Variants in SFTPD observed in about 807,000 individuals in gnomAD.
SFTPD encodes surfactant protein D.
In SFTPD, 18 loss-of-function variants were observed where a neutral mutation model predicts 34.6. The ratio of observed to expected loss-of-function variants is 0.52; its 90% confidence interval spans 0.36 to 0.77. The LOEUF is 0.77. Among genes scored for constraint, SFTPD ranks in the 30% least tolerant of loss-of-function variants. The pLI is 0.00. For missense variants in SFTPD, 433 were observed against 468.9 expected, an observed-to-expected ratio of 0.92 and a Z score of 0.71; for synonymous variants, 155 against 180.9, an observed-to-expected ratio of 0.86 and a Z score of 1.15.
At chr10:79,973,386 G>A (rs184195580) in intron 1 of SFTPD, among the ~76,000 whole-genome samples, 92 of 151,820 alleles carry the variant, frequency 6.1e-4, no homozygotes, top group African/African-American at 2.1e-3. Flanking sequence ...TTGGGAGGCC[G>A]AGGCAGGTGA....
At chr10:79,971,653 A>G (rs1727269056) in intron 1 of SFTPD, 1 of 152,152 alleles carries the variant, frequency 6.6e-6, no homozygotes, top group Admixed American at 6.5e-5. Context: ...ATAGTTGCTC[A>G]TAATAGTCTT....
chr10:79,978,711 G>C (rs925961430), intron 1 of SFTPD, among the ~76,000 whole-genome samples: 1 of 146,426 alleles, frequency 6.8e-6, no homozygotes, highest in African/African-American at 2.5e-5. Context: ...CAAAATAAAG[G>C]CCTTATATGA....
At chr10:79,940,558 C>T (rs1842600550) in intron 7 of SFTPD, 147 bp downstream of exon 7, 1 of 596,890 alleles carries the variant, frequency 1.7e-6, no homozygotes, top group Admixed American at 2.6e-5. Flanking sequence ...CTACACAGGT[C>T]CCAGCTCATT....
At chr10:79,941,764 G>A (rs1265487379) in intron 5 of SFTPD, among the ~76,000 whole-genome samples, 190 bp downstream of exon 5, 1 of 152,028 alleles carries the variant, frequency 6.6e-6, no homozygotes, top group Non-Finnish European at 1.5e-5. Flanking sequence ...CATTGCTTGC[G>A]CCTCACTCTC....
intron 1 of SFTPD, among the ~76,000 whole-genome samples, chr10:79,964,072 T>C (rs536744261): frequency 2.4e-4 from 37 of 152,270 alleles, no homozygotes; most frequent in Middle Eastern, 3.4e-3. Context: ...ACACCTATCA[T>C]TGAGGCTACC....
intron 1 of SFTPD, among the ~76,000 whole-genome samples, chr10:79,976,786 T>C (rs546838462): frequency 3.3e-5 from 5 of 152,224 alleles, no homozygotes; most frequent in African/African-American, 9.6e-5. Flanking sequence ...TTTGGCTGTG[T>C]CCCCACCCAA....
At chr10:79,981,893 T>G in intron 1 of SFTPD, 1 of 270,450 alleles carries the variant, frequency 3.7e-6, no homozygotes, top group Non-Finnish European at 7.1e-6. Context: ...GAGCCGCCTC[T>G]TCCTGCTAGA....
intron 7 of SFTPD, 128 bp downstream of exon 7, chr10:79,940,577 A>G (rs1018177768): frequency 6.2e-6 from 4 of 643,990 alleles, no homozygotes; most frequent in African/African-American, 1.8e-5. Context: ...TTCCCATCCT[A>G]GACCCAGGGC....
At chr10:79,975,913 G>A (rs959179896) in intron 1 of SFTPD, among the ~76,000 whole-genome samples, 5 of 152,212 alleles carry the variant, frequency 3.3e-5, no homozygotes, top group African/African-American at 4.8e-5. Context: ...GCCTTTAAGC[G>A]GTTTTCCACC....
chr10:79,940,225 C>G (rs2819097), intron 7 of SFTPD, among the ~76,000 whole-genome samples: 103,792 of 152,124 alleles, frequency 0.68, 36,333 homozygotes, highest in African/African-American at 0.84. Flanking sequence ...CCCCTCTGAG[C>G]TAAGAAATGC....
chr10:79,945,677 C>T (rs7078012), intron 2 of SFTPD, among the ~76,000 whole-genome samples: 30,107 of 152,092 alleles, frequency 0.2, 3,775 homozygotes, highest in African/African-American at 0.35. Context: ...ATCCCAAAGA[C>T]TCAAGAAAAA....
intron 1 of SFTPD, among the ~76,000 whole-genome samples, chr10:79,974,251 T>C (rs1180861564): frequency 6.6e-6 from 1 of 152,178 alleles, no homozygotes; most frequent in African/African-American, 2.4e-5. Context: ...CACTGCAAGC[T>C]CTGCCTCCTG....
intron 1 of SFTPD, among the ~76,000 whole-genome samples, chr10:79,974,448 C>G (rs1160156335): frequency 6.6e-6 from 1 of 152,038 alleles, no homozygotes; most frequent in Non-Finnish European, 1.5e-5. Context: ...CACACCCAGC[C>G]ACCCCCAGAT....
chr10:79,955,089 G>C (rs1467005238), intron 1 of SFTPD, among the ~76,000 whole-genome samples: 1 of 152,166 alleles, frequency 6.6e-6, no homozygotes, highest in Admixed American at 6.5e-5. Flanking sequence ...CTCCATACTA[G>C]CAGTGGTCCC....
rs565843911 is a variant in SFTPD at position 79,938,096 on chromosome 10, G to A, written c.884C>T (p.Ala295Val). 1.2e-5 allele frequency: 19 copies of A among 1,614,214 alleles called. No homozygotes were observed. In the East Asian group the frequency reaches 4.2e-4, roughly 36 times the overall value. ...GGQLASPRSA[A>V]ENAALQQLVV... ...CAGCTGTTGCAAGGCGGCATTCTCA[G>A]CGGCAGAGCGTGGAGAGGCCAACTG... The change falls in exon 8 of 8, where the codon GCT becomes GTT. Residue 295 changes from alanine to valine, a missense_variant. By Grantham distance (64) the Ala-to-Val change is moderately conservative. Transcript: ENST00000372292.
chr10:79,951,624 C>T (rs1589337887), upstream of SFTPD, among the ~76,000 whole-genome samples: 1 of 152,210 alleles, frequency 6.6e-6, no homozygotes, highest in African/African-American at 2.4e-5. Flanking sequence ...TTCCCCAGCA[C>T]TATACCCTCT....
At chr10:79,961,946 A>G (rs1276922374) in intron 1 of SFTPD, among the ~76,000 whole-genome samples, 1 of 148,082 alleles carries the variant, frequency 6.8e-6, no homozygotes, top group East Asian at 2.2e-4. Context: ...CATATACACC[A>G]TGGAATACTA....
rs1427870986 is a variant in SFTPD, at chr10:79,961,535, A to G, written c.37-14873T>C. Among the ~76,000 whole-genome samples, 7 of 152,240 alleles carry G rather than the reference A, an allele frequency of 4.6e-5. No homozygotes were observed. In the South Asian group the frequency reaches 1.4e-3, roughly 32 times the overall value. On this transcript the variant is annotated intron_variant, in intron 1 of 5. Coordinates refer to the SFTPD transcript ENST00000444384. Reference sequence around the variant, plus strand: ...AGACATTTATGCAGTCAACAAACACATGAAAAAATGCTCGTCATCACTGGC... The same window carrying G: ...AGACATTTATGCAGTCAACAAACACGTGAAAAAATGCTCGTCATCACTGGC...
At chr10:79,939,727 A>G (rs1842593223) in intron 7 of SFTPD, among the ~76,000 whole-genome samples, 2 of 152,254 alleles carry the variant, frequency 1.3e-5, no homozygotes, top group South Asian at 2.1e-4. Flanking sequence ...GAGCTTGGGT[A>G]CTTAGAAGCC....
Sources: allele counts gnomAD v4.1 joint callset (sites outside exome capture counted in the v4.1 genomes callset), GRCh38; gene constraint gnomAD v4.1.1; transcripts MANE v1.5; gene names NCBI Gene and HGNC (gene_info 2026-07-23, HGNC 2026-07-21).